HSD17B11: variants seen among roughly 807,000 people sequenced by gnomAD.
The protein encoded by HSD17B11 is estradiol 17-beta-dehydrogenase 11.
Under a neutral mutation model 27.8 loss-of-function variants are expected in HSD17B11, and 22 were observed. That is an observed-to-expected ratio of 0.79 (90% CI 0.56 to 1.13). The LOEUF (loss-of-function observed/expected upper bound fraction) is 1.13. Ranked by LOEUF, HSD17B11 falls within the 50% of genes most tolerant of loss-of-function variation. The pLI is 0.00. For missense variants in HSD17B11, 314 were observed against 351.1 expected, an observed-to-expected ratio of 0.89 and a Z score of 0.84; for synonymous variants, 117 against 132.8, an observed-to-expected ratio of 0.88 and a Z score of 0.82.
chr4:87,369,026 C>T (rs779935001), intron 4 of HSD17B11, among the ~76,000 whole-genome samples: 1 of 152,138 alleles, frequency 6.6e-6, no homozygotes, highest in Non-Finnish European at 1.5e-5. Flanking sequence ...GTGGACTCAC[C>T]CTGAATTCTT....
chr4:87,375,037 G>A (rs1439026262), intron 2 of HSD17B11, among the ~76,000 whole-genome samples: 1 of 152,050 alleles, frequency 6.6e-6, no homozygotes, highest in African/African-American at 2.4e-5. Context: ...GGGACTGAAG[G>A]CTCATGCAAC....
chr4:87,345,276 ATAAATAAACAAATAAAGAC>A (rs1460505639), intron 5 of HSD17B11: 1 of 152,222 alleles, frequency 6.6e-6, no homozygotes, highest in African/African-American at 2.4e-5. Flanking sequence ...CTCAAAATAA[ATAAATAAACAAATAAAGAC>A]TCATGAGGTG....
rs1735145193 is a variant in HSD17B11, at chr4:87,340,540, C to G, written c.762G>C (p.Gln254His). ...NRLMHGILTE[Q>H]KMIFIPSSIA... Reference sequence around the variant, plus strand: ...TAGAAGATGGAATAAAAATCATCTTCTGCTCAGTCAGAATCCCATGCATCA... The same window carrying G: ...TAGAAGATGGAATAAAAATCATCTTGTGCTCAGTCAGAATCCCATGCATCA... The change falls in exon 6 of 7, where the codon CAG (glutamine) becomes CAC (histidine). Residue 254 changes from glutamine to histidine, a missense_variant. Gln to His is a conservative substitution (Grantham distance 24, BLOSUM62 0). Transcript: ENST00000358290. 1.9e-6 allele frequency: 3 copies of G among 1,611,248 alleles called. No homozygotes were observed. Among genetic ancestry groups the G allele is most frequent in the Non-Finnish European group, 2.5e-6 (3 of 1,178,646 alleles).
intron 2 of HSD17B11, among the ~76,000 whole-genome samples, chr4:87,381,801 T>C (rs191544601): frequency 6.1e-4 from 93 of 151,668 alleles, no homozygotes; most frequent in East Asian, 2.3e-3. Context: ...AATAGATCTA[T>C]CTACAATAAA....
At chr4:87,390,446 G>A (rs1271489450) in intron 1 of HSD17B11, among the ~76,000 whole-genome samples, 1 of 152,140 alleles carries the variant, frequency 6.6e-6, no homozygotes, top group African/African-American at 2.4e-5. Context: ...GTGAGCCAAC[G>A]GCGAGTATAA....
At chr4:87,378,882 A>C (rs1340426188) in intron 2 of HSD17B11, among the ~76,000 whole-genome samples, 1 of 12,016 alleles carries the variant, frequency 8.3e-5, no homozygotes, top group African/African-American at 5.8e-4. Context: ...ATATATATAA[A>C]TATATATATA....
Position 87,377,406 on chromosome 4 carries a change from C to T in HSD17B11, c.319-2576G>A, listed in dbSNP as rs532413795. Reference sequence around the variant, plus strand: ...CGGAGGTTGCAGTGAGCTGAGATTGCGCCACTGTGCTCTAGCCTGAGCGAC... The same window carrying T: ...CGGAGGTTGCAGTGAGCTGAGATTGTGCCACTGTGCTCTAGCCTGAGCGAC... On this transcript the variant is annotated intron_variant, in intron 2 of 6. Coordinates refer to ENST00000358290, the MANE Select transcript of HSD17B11 (RefSeq NM_016245.5). Among the ~76,000 whole-genome samples the T allele has an allele frequency of 7.4e-4, 112 of 151,426 alleles. 3 individuals are homozygous for T. Among genetic ancestry groups the T allele is most frequent in the Non-Finnish European group, 2.1e-4 (14 of 67,926 alleles).
intron 2 of HSD17B11, among the ~76,000 whole-genome samples, chr4:87,381,186 C>CCAAAAA (rs746118163): frequency 1.4e-4 from 16 of 114,302 alleles, no homozygotes; most frequent in Admixed American, 3.6e-4. Flanking sequence ...GACTCCATTT[C>CCAAAAA]AAAAAAAAAA....
intron 4 of HSD17B11, among the ~76,000 whole-genome samples, chr4:87,365,606 T>G (rs954454653): frequency 6.6e-6 from 1 of 152,218 alleles, no homozygotes; most frequent in Non-Finnish European, 1.5e-5. Flanking sequence ...CCACACCTAG[T>G]ACATAATTAA....
intron 5 of HSD17B11, among the ~76,000 whole-genome samples, chr4:87,355,746 A>G (rs1248417331): frequency 1.3e-5 from 2 of 152,126 alleles, no homozygotes; most frequent in Non-Finnish European, 2.9e-5. Context: ...TCTATTAAAA[A>G]TACGGAAATT....
chr4:87,358,930 G>A, intron 4 of HSD17B11, among the ~76,000 whole-genome samples: 1 of 152,172 alleles, frequency 6.6e-6, no homozygotes, highest in East Asian at 1.9e-4. Flanking sequence ...GGAGGGCACT[G>A]GTGGGAGGTG....
intron 4 of HSD17B11, among the ~76,000 whole-genome samples, chr4:87,357,948 A>ATTTTTTTT (rs748955521): frequency 0.012 from 1,175 of 97,146 alleles, 70 homozygotes; most frequent in East Asian, 0.032. Flanking sequence ...TCATTAGAGA[A>ATTTTTTTT]ATTTTTTTTT....
intron 4 of HSD17B11, among the ~76,000 whole-genome samples, chr4:87,359,829 T>C (rs1407218487): frequency 6.6e-6 from 1 of 152,122 alleles, no homozygotes; most frequent in East Asian, 1.9e-4. Context: ...GTAAACCAGG[T>C]TTATATATGA....
At chr4:87,359,843 A>T (rs903833781) in intron 4 of HSD17B11, among the ~76,000 whole-genome samples, 5 of 152,186 alleles carry the variant, frequency 3.3e-5, no homozygotes, top group Admixed American at 6.6e-5. Context: ...TATATGATAT[A>T]TTCTAAACTT....
At chr4:87,359,205 T>C (rs558873098) in intron 4 of HSD17B11, among the ~76,000 whole-genome samples, 1 of 152,300 alleles carries the variant, frequency 6.6e-6, no homozygotes, top group South Asian at 2.1e-4. Flanking sequence ...CAGTTATTTA[T>C]AGCAGGGTGA....
At chr4:87,370,757 T>TATTATTA (rs1553959707) in intron 4 of HSD17B11, among the ~76,000 whole-genome samples, 274 of 12,146 alleles carry the variant, frequency 0.023, 5 homozygotes, top group Non-Finnish European at 0.03. Flanking sequence ...TTATTATTAT[T>TATTATTA]TTTTTTTTTT....
At chr4:87,377,750 A>G (rs1222948264) in intron 2 of HSD17B11, among the ~76,000 whole-genome samples, 2 of 152,226 alleles carry the variant, frequency 1.3e-5, no homozygotes, top group African/African-American at 2.4e-5. Context: ...GTTTCAAATG[A>G]AACCTAGCTC....
intron 6 of HSD17B11, among the ~76,000 whole-genome samples, chr4:87,338,104 C>T (rs754105408): frequency 6.6e-6 from 1 of 152,148 alleles, no homozygotes; most frequent in Admixed American, 6.5e-5. Context: ...ATAGTCCCAG[C>T]TATTCAGGAG....
intron 6 of HSD17B11, among the ~76,000 whole-genome samples, chr4:87,338,841 G>A (rs965349303): frequency 6.6e-6 from 1 of 152,120 alleles, no homozygotes; most frequent in Non-Finnish European, 1.5e-5. Context: ...CCAGCCCTGA[G>A]TACTTTAAGA....
Sources: allele counts gnomAD v4.1 joint callset (sites outside exome capture counted in the v4.1 genomes callset), GRCh38; gene constraint gnomAD v4.1.1; transcripts MANE v1.5; gene names NCBI Gene and HGNC (gene_info 2026-07-23, HGNC 2026-07-21).